Variants in MBTD1 observed in about 807,000 individuals in gnomAD.
MBTD1 encodes the protein MBT domain-containing protein 1.
A neutral mutation model predicts 87.8 loss-of-function variants in MBTD1; 24 were observed. That is an observed-to-expected ratio of 0.27 (90% CI 0.20 to 0.38). The LOEUF is 0.38. Among genes scored for constraint, MBTD1 ranks in the 10% least tolerant of loss-of-function variants. The probability of loss-of-function intolerance (pLI) is 1.00; values close to 1 mark genes in which losing one functional copy is unlikely to be tolerated. For synonymous variants in MBTD1, 237 were observed against 248.6 expected (o/e 0.95, Z 0.44); for missense variants, 436 against 760.2 (o/e 0.57, Z 5.02).
chr17:51,229,184 A>C lies in MBTD1; in HGVS notation c.-48-3975T>G, dbSNP rs183593270. Among the ~76,000 whole-genome samples the C allele has an allele frequency of 4.6e-5, 7 of 152,296 alleles. No homozygotes were observed. In the East Asian group the frequency reaches 1.4e-3, roughly 29 times the overall value. On this transcript the variant is annotated intron_variant, in intron 2 of 16. Coordinates refer to ENST00000586178, the MANE Select transcript of MBTD1 (RefSeq NM_017643.3). ...ATCTCTACTAAACAAACAAGAAAAC[A>C]AAACCAAACCATTACAAAACATTAA...
chr17:51,209,509 A>G, intron 6 of MBTD1: 1 of 470,716 alleles, frequency 2.1e-6, no homozygotes, highest in South Asian at 1.5e-5. Flanking sequence ...CAAATGTATG[A>G]CAACCTCCAC....
At chr17:51,259,799 C>G in intron 1 of MBTD1, 36 bp downstream of exon 1, 1 of 1,232,758 alleles carries the variant, frequency 8.1e-7, no homozygotes, top group Admixed American at 4.2e-5. Context: ...TCCCCCCCAC[C>G]TGGCACACAA....
intron 2 of MBTD1, among the ~76,000 whole-genome samples, chr17:51,241,662 T>G (rs1373114130): frequency 6.6e-6 from 1 of 152,052 alleles, no homozygotes; most frequent in Non-Finnish European, 1.5e-5. Flanking sequence ...CTCCCGGGTT[T>G]AAGCAATTCT....
At chr17:51,213,829 A>G (rs1024751140) in intron 6 of MBTD1, among the ~76,000 whole-genome samples, 1 of 152,174 alleles carries the variant, frequency 6.6e-6, no homozygotes, top group African/African-American at 2.4e-5. Context: ...TGCCAGAACA[A>G]TCAACGCAGT....
At chr17:51,228,810 A>C (rs1433789432) in intron 2 of MBTD1, among the ~76,000 whole-genome samples, 1 of 144,506 alleles carries the variant, frequency 6.9e-6, no homozygotes, top group Non-Finnish European at 1.5e-5. Flanking sequence ...GGCAGGGAGA[A>C]ATGCTTGAAC....
At chr17:51,260,101 G>T (rs2144365190), upstream of MBTD1, 1 of 378,674 alleles carries the variant, frequency 2.6e-6, no homozygotes, top group Non-Finnish European at 4.7e-6. Flanking sequence ...CGCCCCGATT[G>T]GCCCACTTCC....
chr17:51,223,229 C>T (rs903175076), intron 3 of MBTD1, among the ~76,000 whole-genome samples: 1 of 151,392 alleles, frequency 6.6e-6, no homozygotes, highest in African/African-American at 2.4e-5. Flanking sequence ...ACAGAATTAG[C>T]AATAAAAAAT....
chr17:51,237,752 C>T (rs2053933757), intron 2 of MBTD1, among the ~76,000 whole-genome samples: 1 of 152,164 alleles, frequency 6.6e-6, no homozygotes, highest in Non-Finnish European at 1.5e-5. Context: ...CAGGCAGTTT[C>T]TTAAAAAGTT....
chr17:51,220,022 A>T (rs1394077961), intron 4 of MBTD1, among the ~76,000 whole-genome samples: 1 of 152,236 alleles, frequency 6.6e-6, no homozygotes, highest in East Asian at 1.9e-4. Flanking sequence ...AAAGGAAACA[A>T]GGGGAAACAG....
At chr17:51,186,106 G>C (rs927041033) in intron 16 of MBTD1, 1 of 152,606 alleles carries the variant, frequency 6.6e-6, no homozygotes, top group Middle Eastern at 3.2e-3. Flanking sequence ...GGAAGGGTTC[G>C]ATATGGAGGA....
At chr17:51,209,700 C>G (rs1197182565) in intron 6 of MBTD1, among the ~76,000 whole-genome samples, 1 of 152,102 alleles carries the variant, frequency 6.6e-6, no homozygotes, top group Non-Finnish European at 1.5e-5. Flanking sequence ...CCAAAGACAA[C>G]CATACAATCT....
At chr17:51,203,709 A>G in intron 8 of MBTD1, 82 bp downstream of exon 8, 2 of 1,460,786 alleles carry the variant, frequency 1.4e-6, no homozygotes, top group Non-Finnish European at 1.9e-6. Flanking sequence ...TAATTTCCAT[A>G]TTACTCTAAC....
intron 2 of MBTD1, among the ~76,000 whole-genome samples, chr17:51,245,242 G>A (rs1334718797): frequency 6.6e-6 from 1 of 152,018 alleles, no homozygotes; most frequent in African/African-American, 2.4e-5. Flanking sequence ...GGTTTTATGT[G>A]CCTACTTTTT....
intron 2 of MBTD1, among the ~76,000 whole-genome samples, chr17:51,253,377 G>C (rs1044308080): frequency 2.0e-5 from 3 of 152,120 alleles, no homozygotes; most frequent in Non-Finnish European, 4.4e-5. Flanking sequence ...TATGTAGAAG[G>C]ATGTTTGCTA....
At position 51,192,667 on chromosome 17, in the gene MBTD1, A is replaced by C. The variant is rs569516779; in HGVS notation, c.1690+115T>G. ...AGTCTTAATGTCTTACCTGGCAACC[A>C]ATCAGACATAGGTATATTCTTGTCC... On this transcript the variant is annotated intron_variant, in intron 15 of 16. Coordinates refer to ENST00000586178, the MANE Select transcript of MBTD1 (RefSeq NM_017643.3). The C allele has an allele frequency of 8.4e-5, 128 of 1,522,198 alleles. 2 individuals carry two copies. The South Asian group carries it at 1.6e-3, about 18-fold the overall frequency. 94.3% of individuals were successfully genotyped at this position (1,522,198 alleles called of 1,614,324 possible). A position where few individuals can be genotyped will look rare whatever the true frequency, so the allele number is the denominator to read the frequency against.
intron 16 of MBTD1, among the ~76,000 whole-genome samples, chr17:51,187,936 A>C (rs2050623088): frequency 2.0e-5 from 3 of 152,156 alleles, no homozygotes. Context: ...TCCAGATGAC[A>C]GAATAAACCG....
intron 6 of MBTD1, among the ~76,000 whole-genome samples, chr17:51,212,703 G>A (rs1433046614): frequency 6.6e-6 from 1 of 152,106 alleles, no homozygotes; most frequent in Non-Finnish European, 1.5e-5. Flanking sequence ...GGAAATAGAA[G>A]TGCTTCAATT....
chr17:51,198,122 C>T (rs2051244520), intron 12 of MBTD1, among the ~76,000 whole-genome samples: 1 of 152,204 alleles, frequency 6.6e-6, no homozygotes, highest in African/African-American at 2.4e-5. Context: ...AAATCAACAA[C>T]TCCTCTTACT....
chr17:51,219,959 G>T (rs1048618257), intron 4 of MBTD1, among the ~76,000 whole-genome samples: 1 of 152,146 alleles, frequency 6.6e-6, no homozygotes, highest in African/African-American at 2.4e-5. Flanking sequence ...TAAAACCAGA[G>T]ATTAAATTAT....
Sources: gnomAD v4.1 joint callset for allele counts (sites outside exome capture counted in the v4.1 genomes callset) on GRCh38, gnomAD v4.1.1 for gene constraint, MANE v1.5 for transcripts, NCBI Gene and HGNC (gene_info 2026-07-23, HGNC 2026-07-21) for gene names.